MYO18B: variants seen among roughly 807,000 people sequenced by gnomAD.
MYO18B encodes the protein myosin XVIIIB, also known as unconventional myosin-XVIIIb.
MYO18B carries 204 observed loss-of-function variants against 273.0 expected under a neutral mutation model. That is an observed-to-expected ratio of 0.75 (90% confidence interval 0.67 to 0.84). The LOEUF is 0.84. Ranked by LOEUF, MYO18B falls within the 40% of genes least tolerant of loss-of-function variation. The pLI, the probability that MYO18B is intolerant of heterozygous loss-of-function variation, is 0.00. For synonymous variants in MYO18B, 1,330 were observed against 1,305.7 expected, an observed-to-expected ratio of 1.02 and a Z score of -0.40; for missense variants, 3,212 against 3,287.6, an observed-to-expected ratio of 0.98 and a Z score of 0.56.
At chr22:26,056,009 TA>T in the MYO18B span, among the ~76,000 whole-genome samples, 102 of 146,894 alleles carry the variant, frequency 6.9e-4, no homozygotes, top group East Asian at 2.0e-3. Context: ...CTTGGATTAA[TA>T]AAAAAAAAAG....
At chr22:26,008,640 G>A (rs1934634790) in intron 42 of MYO18B, among the ~76,000 whole-genome samples, 1 of 152,208 alleles carries the variant, frequency 6.6e-6, no homozygotes, top group Non-Finnish European at 1.5e-5. Context: ...TTCTGGAGAC[G>A]AAGACACTAA....
At chr22:25,836,533 T>C (rs2089906130) in intron 17 of MYO18B, among the ~76,000 whole-genome samples, 1 of 152,140 alleles carries the variant, frequency 6.6e-6, no homozygotes, top group Non-Finnish European at 1.5e-5. Context: ...GAGATACATA[T>C]TCTTATTCAA....
At chr22:25,970,083 G>A (rs1488648144) in intron 39 of MYO18B, among the ~76,000 whole-genome samples, 2 of 151,696 alleles carry the variant, frequency 1.3e-5, no homozygotes, top group Non-Finnish European at 2.9e-5. Context: ...CTTCATCACT[G>A]TCATCATCAC....
chr22:25,937,208 C>T (rs985140426), intron 34 of MYO18B, among the ~76,000 whole-genome samples: 5 of 152,114 alleles, frequency 3.3e-5, no homozygotes, highest in East Asian at 1.9e-4. Flanking sequence ...CTCAGCCTCC[C>T]GAATAGCTGG....
intron 39 of MYO18B, among the ~76,000 whole-genome samples, chr22:25,980,033 G>T (rs978894353): frequency 2.0e-5 from 3 of 152,184 alleles, no homozygotes; most frequent in African/African-American, 7.2e-5. Flanking sequence ...GGATGAAATG[G>T]AGAGAGGGGT....
chr22:25,744,427 T>C (rs999940153), intron 1 of MYO18B, among the ~76,000 whole-genome samples: 2 of 152,284 alleles, frequency 1.3e-5, no homozygotes, highest in Middle Eastern at 3.4e-3. Flanking sequence ...GTGTGTGGCA[T>C]ATCTTTAATA....
At chr22:26,004,978 T>C in intron 42 of MYO18B, 123 bp downstream of exon 42, 1 of 1,302,334 alleles carries the variant, frequency 7.7e-7, no homozygotes, top group Admixed American at 1.9e-5. Context: ...GTCCTGAAAG[T>C]CTGGGGTATA....
intron 39 of MYO18B, among the ~76,000 whole-genome samples, chr22:25,962,705 G>C (rs1246482211): frequency 2.6e-5 from 4 of 152,178 alleles, no homozygotes; most frequent in Non-Finnish European, 5.9e-5. Flanking sequence ...ACAAACAGGA[G>C]CCCTAGGGGA....
Position 25,947,753 on chromosome 22 carries a change from C to G in MYO18B, c.5673C>G (p.Asp1891Glu), listed in dbSNP as rs773430535. The change falls in exon 36 of 44, where the codon GAC becomes GAG. Residue 1891 changes from aspartate (D) to glutamate (E), a missense_variant. Physicochemically the swap from Asp to Glu is conservative, Grantham distance 45. Coordinates refer to ENST00000335473, the MANE Select transcript of MYO18B (RefSeq NM_032608.7). Reference protein sequence around the residue: ...QLYRLQFEKADLLKRIDEDQD... With the variant: ...QLYRLQFEKAELLKRIDEDQD... ...ACAGGCTGCAGTTTGAGAAGGCGGA[C>G]CTCCTGAAGCGCATCGATGAGGACC... 1 of 1,613,652 alleles carries G rather than the reference C, an allele frequency of 6.2e-7. No homozygotes were observed. Among genetic ancestry groups the G allele is most frequent in the Non-Finnish European group, 8.5e-7 (1 of 1,179,874 alleles).
rs528050993 is a variant in MYO18B, at chr22:25,840,275, C to A, written c.3209-3460C>A. Among the ~76,000 whole-genome samples the A allele has an allele frequency of 1.6e-4, 24 of 152,382 alleles. No individual in the cohort carries two copies. In the South Asian group the frequency reaches 4.6e-3, roughly 29 times the overall value. ...TGTCACCATCACACAGCTCTCTTTG[C>A]TGCTCTTCAAACATAGCATGCACAT... On this transcript the variant is annotated intron_variant, in intron 17 of 43. Coordinates refer to ENST00000335473, the MANE Select transcript of MYO18B (RefSeq NM_032608.7).
chr22:25,936,620 G>A (rs1381805433), intron 34 of MYO18B, among the ~76,000 whole-genome samples: 3 of 152,126 alleles, frequency 2.0e-5, no homozygotes, highest in African/African-American at 7.2e-5. Context: ...GTCTTAATCA[G>A]CTCAGGCTGC....
At chr22:25,777,930 A>G (rs2086980468) in intron 8 of MYO18B, 149 bp downstream of exon 8, 1 of 657,514 alleles carries the variant, frequency 1.5e-6, no homozygotes, top group Admixed American at 4.0e-5. Context: ...GGGCAGGGCT[A>G]TCCCTAGGTC....
chr22:26,056,873 A>G, the MYO18B span, among the ~76,000 whole-genome samples: 1 of 152,220 alleles, frequency 6.6e-6, no homozygotes, highest in Non-Finnish European at 1.5e-5. Flanking sequence ...GCTCACTGCT[A>G]CATAATGAAC....
chr22:26,023,479 T>TCCA (rs1935988494), intron 42 of MYO18B, among the ~76,000 whole-genome samples: 1 of 148,710 alleles, frequency 6.7e-6, no homozygotes, highest in Admixed American at 6.7e-5. Flanking sequence ...TCCTCCTCCC[T>TCCA]CCTCCTCCTC....
the MYO18B span, among the ~76,000 whole-genome samples, chr22:26,050,019 T>C: frequency 6.6e-6 from 1 of 152,232 alleles, no homozygotes; most frequent in South Asian, 2.1e-4. Context: ...ATGCTTCAGT[T>C]GATTTCAATT....
the MYO18B span, among the ~76,000 whole-genome samples, chr22:26,048,066 C>T: frequency 6.6e-6 from 1 of 152,174 alleles, no homozygotes; most frequent in African/African-American, 2.4e-5. Context: ...CTGTCAGAGT[C>T]TAGAGTAGAC....
intron 34 of MYO18B, among the ~76,000 whole-genome samples, chr22:25,933,662 A>G (rs1206493559): frequency 6.6e-6 from 1 of 151,534 alleles, no homozygotes; most frequent in Non-Finnish European, 1.5e-5. Flanking sequence ...TTTTGCACCA[A>G]CCTAATAATT....
intron 13 of MYO18B, 93 bp downstream of exon 13, chr22:25,823,771 T>G: frequency 7.4e-7 from 1 of 1,358,364 alleles, no homozygotes; most frequent in Non-Finnish European, 1.0e-6. Flanking sequence ...TTATCAAAGA[T>G]TTGTTAAGGG....
intron 34 of MYO18B, among the ~76,000 whole-genome samples, chr22:25,940,738 C>T (rs2146551469): frequency 6.6e-6 from 1 of 152,330 alleles, no homozygotes; most frequent in East Asian, 1.9e-4. Flanking sequence ...CTCCAGGCTT[C>T]CAGGACCCAC....
Sources: gnomAD v4.1 joint callset for allele counts (sites outside exome capture counted in the v4.1 genomes callset) on GRCh38, gnomAD v4.1.1 for gene constraint, MANE v1.5 for transcripts, NCBI Gene and HGNC (gene_info 2026-07-23, HGNC 2026-07-21) for gene names.